The following COL5A1 variants were observed in gnomAD, a reference collection of about 807,000 sequenced individuals.
The protein encoded by COL5A1 is collagen alpha-1(V) chain.
COL5A1 carries 16 observed loss-of-function variants against 263.7 expected under a neutral mutation model. The observed-to-expected ratio is 0.06, with a 90% CI of 0.04 to 0.09. The LOEUF (loss-of-function observed/expected upper bound fraction) is 0.09, where lower values mean the gene tolerates loss of function less well. Among genes scored for constraint, COL5A1 ranks in the 10% least tolerant of loss-of-function variants. The probability of loss-of-function intolerance (pLI) is 1.00; values close to 1 mark genes in which losing one functional copy is unlikely to be tolerated. For synonymous variants in COL5A1, 1,012 were observed against 1,004.5 expected (o/e 1.01, Z -0.14); for missense variants, 2,036 against 2,540.5 (o/e 0.80, Z 4.27).
chr9:134,820,809 A>C (rs1472662267), intron 58 of COL5A1, among the ~76,000 whole-genome samples: 1 of 152,014 alleles, frequency 6.6e-6, no homozygotes, highest in East Asian at 1.9e-4. Context: ...GGATGAGGTG[A>C]CCTGTAGTGC....
At position 134,741,932 on chromosome 9, in the gene COL5A1, T is replaced by C. The variant is rs955100525; in HGVS notation, c.1494+3124T>C. Reference sequence around the variant, plus strand: ...CTTTTCTTCCTCACTGGATGGTGAGTTCCTCAAGACAGGCCTCACTTCTGT... The same window carrying C: ...CTTTTCTTCCTCACTGGATGGTGAGCTCCTCAAGACAGGCCTCACTTCTGT... On this transcript the variant is annotated intron_variant, in intron 11 of 65. Coordinates refer to ENST00000371817, the MANE Select transcript of COL5A1 (RefSeq NM_000093.5). The surrounding 1 kb of genome is among the most constrained non-coding windows in gnomAD (Gnocchi z 4.5). Among the ~76,000 whole-genome samples the C allele has an allele frequency of 6.6e-6, 1 of 151,628 alleles. No homozygotes were observed. Among genetic ancestry groups the C allele is most frequent in the Non-Finnish European group, 1.5e-5 (1 of 67,898 alleles).
intron 4 of COL5A1, among the ~76,000 whole-genome samples, chr9:134,712,739 C>T (rs1305574081): frequency 1.3e-5 from 2 of 150,744 alleles, no homozygotes; most frequent in East Asian, 2.0e-4. Context: ...ATCTTTCCTG[C>T]CCCTTTCTGG....
At chr9:134,823,343 C>A in intron 60 of COL5A1, 73 bp from the exon 61 acceptor site, 1 of 1,540,990 alleles carries the variant, frequency 6.5e-7, no homozygotes, top group Non-Finnish European at 9.0e-7. Context: ...AGGGACCATT[C>A]TAGAGCTGAA....
rs560375979 is a variant in COL5A1 at position 134,815,163 on chromosome 9, G to A, written c.4014+259G>A. On this transcript the variant is annotated intron_variant, in intron 50 of 65. Coordinates refer to ENST00000371817, the MANE Select transcript of COL5A1 (RefSeq NM_000093.5). Reference sequence around the variant, plus strand: ...GGCCAGGCGGCCGGCTGAGATGCACGAGTGACAGCCAGGCTTTGGGAAGTT... The same window carrying A: ...GGCCAGGCGGCCGGCTGAGATGCACAAGTGACAGCCAGGCTTTGGGAAGTT... 9.2e-5 allele frequency among the ~76,000 whole-genome samples: 14 copies of A among 152,382 alleles called. No homozygotes were observed. In the East Asian group the frequency reaches 1.9e-3, roughly 21 times the overall value.
At chr9:134,797,040 T>G (rs1588560707) in intron 36 of COL5A1, 139 bp downstream of exon 36, 1 of 954,714 alleles carries the variant, frequency 1.0e-6, no homozygotes, top group Non-Finnish European at 1.7e-6. Flanking sequence ...AGGCCCGAGG[T>G]GAAATTCTGG....
chr9:134,834,223 G>C (rs556832580), intron 64 of COL5A1, among the ~76,000 whole-genome samples: 2 of 152,310 alleles, frequency 1.3e-5, no homozygotes, highest in Admixed American at 1.3e-4. Flanking sequence ...GGGCTCGCCT[G>C]CTGCTCCAGG....
chr9:134,769,775 CG>C (rs1367487593), intron 25 of COL5A1, among the ~76,000 whole-genome samples: 2 of 151,314 alleles, frequency 1.3e-5, no homozygotes, highest in Non-Finnish European at 3.0e-5. Flanking sequence ...TTTCCTTCTG[CG>C]GGGAGGAAGG....
Position 134,678,838 on chromosome 9 carries a change from C to G in COL5A1, c.110-12074C>G, listed in dbSNP as rs936480460. Among the ~76,000 whole-genome samples the G allele has an allele frequency of 3.9e-5, 6 of 152,186 alleles. No individual in the cohort carries two copies. The highest frequency in any genetic ancestry group is 1.4e-4 in the African/African-American group (6 of 41,448). On this transcript the variant is annotated intron_variant, in intron 1 of 65. Coordinates refer to ENST00000371817, the MANE Select transcript of COL5A1 (RefSeq NM_000093.5). This position sits in a 1 kb window ranked among gnomAD's most constrained non-coding sequence, Gnocchi z 5.5. ...AACTGGGTGGCCCCTGAAGTGTCTG[C>G]TTTTTGCCAAGGCAGAGCCTGGGAA...
At chr9:134,819,431 C>T (rs997776430) in intron 57 of COL5A1, among the ~76,000 whole-genome samples, 7 of 152,348 alleles carry the variant, frequency 4.6e-5, no homozygotes, top group African/African-American at 1.4e-4. Flanking sequence ...GGGAGCAAAG[C>T]CCTTTTATTT....
chr9:134,654,684 A>G (rs371958465), intron 1 of COL5A1, among the ~76,000 whole-genome samples: 366 of 33,558 alleles, frequency 0.011, 5 homozygotes, highest in African/African-American at 0.028. Flanking sequence ...AGGTGTGTAG[A>G]GCTGGTGTGT....
chr9:134,742,795 T>C lies in COL5A1; in HGVS notation c.1494+3987T>C, dbSNP rs575177308. ...TCATGAGGCTGTGCATTTGTGAAGG[T>C]TCCCTATGATGCCATGGTGGCAGTG... On this transcript the variant is annotated intron_variant, in intron 11 of 65. Transcript: ENST00000371817. The surrounding 1 kb of genome is among the most constrained non-coding windows in gnomAD (Gnocchi z 4.6). Among the ~76,000 whole-genome samples, 37 of 152,314 alleles carry C rather than the reference T, an allele frequency of 2.4e-4. No individual in the cohort carries two copies. Among genetic ancestry groups the C allele is most frequent in the African/African-American group, 8.7e-4 (36 of 41,568 alleles).
At chr9:134,779,802 GTGT>G (rs1452313680) in intron 27 of COL5A1, among the ~76,000 whole-genome samples, 1 of 152,238 alleles carries the variant, frequency 6.6e-6, no homozygotes, top group African/African-American at 2.4e-5. Flanking sequence ...CAGGAGGGGT[GTGT>G]TGGCTGCCGG....
intron 2 of COL5A1, 82 bp downstream of exon 2, chr9:134,691,161 G>C (rs116650621): frequency 1.3e-6 from 2 of 1,561,268 alleles, no homozygotes; most frequent in African/African-American, 2.7e-5. Context: ...TCAAGCCTGC[G>C]TGGTGGCAGA....
At chr9:134,724,204 G>A (rs1588472793) in intron 4 of COL5A1, among the ~76,000 whole-genome samples, 1 of 152,314 alleles carries the variant, frequency 6.6e-6, no homozygotes, top group East Asian at 1.9e-4. Context: ...CTGAGCACAT[G>A]CCTTCCCCCA....
At chr9:134,752,446 T>C in intron 13 of COL5A1, 143 bp from the exon 14 acceptor site, 2 of 619,884 alleles carry the variant, frequency 3.2e-6, no homozygotes, top group South Asian at 3.4e-5. Flanking sequence ...TGGGGAGTCA[T>C]CAGACCTCCT....
At position 134,824,014 on chromosome 9, in the gene COL5A1, CAT is replaced by C. The variant is rs540416233; in HGVS notation, c.4698+546_4698+547del. On this transcript the variant is annotated intron_variant, in intron 61 of 65. Coordinates refer to ENST00000371817, the MANE Select transcript of COL5A1 (RefSeq NM_000093.5). ...TACATGCATGTCTGGGATATATGTGCATGTGTGTGTGTGTGTTGGGATGGGGG... is the reference window on the plus strand; with the variant it reads ...TACATGCATGTCTGGGATATATGTGCGTGTGTGTGTGTGTTGGGATGGGGG... Among the ~76,000 whole-genome samples the C allele has an allele frequency of 4.9e-5, 7 of 143,054 alleles. No homozygotes were observed. In the South Asian group the frequency reaches 6.9e-4, roughly 14 times the overall value. The allele number at this position is 143,054 out of a possible 152,430, so 93.8% of individuals were successfully genotyped here.
chr9:134,794,703 A>T lies in COL5A1; in HGVS notation c.2701-379A>T, dbSNP rs977613302. Among the ~76,000 whole-genome samples, 1 of 152,032 alleles carries T rather than the reference A, an allele frequency of 6.6e-6. No homozygotes were observed. The highest frequency in any genetic ancestry group is 2.4e-5 in the African/African-American group (1 of 41,424). Reference sequence around the variant, plus strand: ...TTTCTTCTCTTTTCTTGCAATAATGATTTCCCTCCCTGCTGAGGACAGAGA... The same window carrying T: ...TTTCTTCTCTTTTCTTGCAATAATGTTTTCCCTCCCTGCTGAGGACAGAGA... On this transcript the variant is annotated intron_variant, in intron 32 of 65. Coordinates refer to ENST00000371817, the MANE Select transcript of COL5A1 (RefSeq NM_000093.5). The surrounding 1 kb of genome is among the most constrained non-coding windows in gnomAD (Gnocchi z 4.3).
chr9:134,759,508 C>G lies in COL5A1; in HGVS notation c.1935+1212C>G, dbSNP rs962730377. Reference sequence around the variant, plus strand: ...ACACCCACACTCATACACACATGCACACACACATACACACACCACATACAC... The same window carrying G: ...ACACCCACACTCATACACACATGCAGACACACATACACACACCACATACAC... On this transcript the variant is annotated intron_variant, in intron 18 of 65. Transcript: ENST00000371817. Among the ~76,000 whole-genome samples, 5 of 134,496 alleles carry G rather than the reference C, an allele frequency of 3.7e-5. 1 individual carries two copies. The East Asian group carries it at 9.2e-4, about 25-fold the overall frequency. 88.2% of individuals were successfully genotyped at this position (134,496 alleles called of 152,430 possible).
At position 134,789,831 on chromosome 9, in the gene COL5A1, C is replaced by T. The variant is rs1837606555; in HGVS notation, c.2700+623C>T. Among the ~76,000 whole-genome samples the T allele has an allele frequency of 6.6e-6, 1 of 152,204 alleles. No individual in the cohort carries two copies. The highest frequency in any genetic ancestry group is 2.4e-5 in the African/African-American group (1 of 41,440). On this transcript the variant is annotated intron_variant, in intron 32 of 65. Transcript: ENST00000371817. This position sits in a 1 kb window ranked among gnomAD's most constrained non-coding sequence, Gnocchi z 4.8. ...CTCCCTGCAGGAGCGGTCCTGGATG[C>T]TTGTTAGTGAAATCACAGTGCCTGA...
Sources: gnomAD v4.1 joint callset for allele counts (sites outside exome capture counted in the v4.1 genomes callset) on GRCh38, gnomAD v4.1.1 for gene constraint, Gnocchi (gnomAD v3.1) non-coding constraint, MANE v1.5 for transcripts, NCBI Gene and HGNC (gene_info 2026-07-23, HGNC 2026-07-21) for gene names.